RBFOX2: variants seen among roughly 807,000 people sequenced by gnomAD.
The protein encoded by RBFOX2 is RNA binding protein fox-1 homolog 2.
In RBFOX2, 10 loss-of-function variants were observed where a neutral mutation model predicts 49.1. The observed-to-expected ratio is 0.20, with a 90% CI of 0.13 to 0.35. The LOEUF is 0.35. Ranked by LOEUF, RBFOX2 falls within the 10% of genes least tolerant of loss-of-function variation. RBFOX2 has a pLI of 1.00. For missense variants in RBFOX2, 323 were observed against 486.9 expected (o/e 0.66, Z 3.17); for synonymous variants, 183 against 187.4 (o/e 0.98, Z 0.19).
At chr22:35,938,180 T>C (rs1363408257) in intron 1 of RBFOX2, among the ~76,000 whole-genome samples, 1 of 152,184 alleles carries the variant, frequency 6.6e-6, no homozygotes, top group Non-Finnish European at 1.5e-5. Flanking sequence ...AGAGGAAGCC[T>C]TACCTGTTCT....
chr22:35,748,716 A>T (rs1569220406), intron 9 of RBFOX2: 1 of 152,228 alleles, frequency 6.6e-6, no homozygotes, highest in Non-Finnish European at 1.5e-5. Flanking sequence ...CATTAAAAAA[A>T]TTTTAAAGTT....
At chr22:35,817,881 G>A (rs1953507355) in intron 1 of RBFOX2, among the ~76,000 whole-genome samples, 1 of 151,694 alleles carries the variant, frequency 6.6e-6, no homozygotes, top group Admixed American at 6.6e-5. Context: ...GCTGGTATAT[G>A]TAAATTTAAG....
At chr22:36,028,178 G>A (rs998108809) in intron 1 of RBFOX2, 62 bp downstream of exon 1, 3 of 1,393,188 alleles carry the variant, frequency 2.2e-6, no homozygotes, top group Admixed American at 5.6e-5. Flanking sequence ...AAGCCGGGGA[G>A]CCCGGTGTCG....
intron 8 of RBFOX2, 44 bp from the exon 10 acceptor site, chr22:35,760,064 C>T: frequency 6.2e-7 from 1 of 1,609,442 alleles, no homozygotes; most frequent in Non-Finnish European, 8.5e-7. Context: ...AACTTGCATT[C>T]AATAGAAGGT....
chr22:35,881,712 G>C (rs2045930016), intron 1 of RBFOX2, among the ~76,000 whole-genome samples: 1 of 151,916 alleles, frequency 6.6e-6, no homozygotes, highest in African/African-American at 2.4e-5. Flanking sequence ...TATAATCCCA[G>C]CACTTTGGGA....
rs561541306 is a variant in RBFOX2, at chr22:35,920,330, C to T, written c.-34+18517G>A. ...TTTTTCTCATGCTGTCATTCGGCAG[C>T]TCAGCCTCTATGTCAAAAAGCCAAC... is the stretch of plus-strand genomic sequence containing the variant. On this transcript the variant is annotated intron_variant, in intron 1 of 13. Transcript: ENST00000359369. Among the ~76,000 whole-genome samples, 158 of 152,306 alleles carry T rather than the reference C, an allele frequency of 1.0e-3. 2 individuals are homozygous for T. Among genetic ancestry groups the T allele is most frequent in the African/African-American group, 3.8e-3 (158 of 41,558 alleles).
chr22:35,766,944 G>C (rs968777127), intron 5 of RBFOX2, among the ~76,000 whole-genome samples: 1 of 152,040 alleles, frequency 6.6e-6, no homozygotes, highest in Admixed American at 6.6e-5. Flanking sequence ...AGTAAGGTAG[G>C]GAAAAAGAAA....
intron 2 of RBFOX2, among the ~76,000 whole-genome samples, chr22:35,808,626 TAG>T (rs1951207178): frequency 1.3e-5 from 2 of 152,152 alleles, no homozygotes; most frequent in African/African-American, 2.4e-5. Flanking sequence ...GGTAGGAGGA[TAG>T]AGTGACAGGA....
At chr22:35,829,805 C>A (rs992180765) in intron 1 of RBFOX2, among the ~76,000 whole-genome samples, 1 of 152,114 alleles carries the variant, frequency 6.6e-6, no homozygotes, top group Non-Finnish European at 1.5e-5. Context: ...TCATTGTCAC[C>A]TTCCACTTCT....
intron 1 of RBFOX2, among the ~76,000 whole-genome samples, chr22:35,817,683 C>T (rs1432471233): frequency 6.6e-6 from 1 of 151,880 alleles, no homozygotes; most frequent in Non-Finnish European, 1.5e-5. Flanking sequence ...CTTCTTTTAG[C>T]GTGGGTATAA....
intron 9 of RBFOX2, 57 bp from the exon 12 acceptor site, chr22:35,746,618 A>G: frequency 8.7e-7 from 1 of 1,149,406 alleles, no homozygotes; most frequent in Non-Finnish European, 1.2e-6. Flanking sequence ...GTGTACAGAA[A>G]AACACACACC....
chr22:35,913,850 G>C (rs2050107004), intron 1 of RBFOX2, among the ~76,000 whole-genome samples: 1 of 152,096 alleles, frequency 6.6e-6, no homozygotes. Flanking sequence ...TCTAAGAAAA[G>C]GGGAATGAGG....
chr22:35,769,777 T>G (rs1353082462), intron 4 of RBFOX2, among the ~76,000 whole-genome samples: 2 of 152,110 alleles, frequency 1.3e-5, no homozygotes, highest in East Asian at 3.8e-4. Context: ...ACAATGCGCG[T>G]TGCTTAATAA....
chr22:35,870,011 C>A (rs749868337), intron 1 of RBFOX2, among the ~76,000 whole-genome samples: 1 of 152,116 alleles, frequency 6.6e-6, no homozygotes, highest in Admixed American at 6.5e-5. Flanking sequence ...CTGATTTATA[C>A]CTCCCTCTCA....
At chr22:35,970,710 C>A (rs1230717039) in intron 1 of RBFOX2, among the ~76,000 whole-genome samples, 2 of 152,024 alleles carry the variant, frequency 1.3e-5, no homozygotes, top group East Asian at 1.9e-4. Flanking sequence ...TACGAGAGGA[C>A]AAAAGGGACA....
chr22:35,917,416 G>A (rs1027884480), intron 1 of RBFOX2, among the ~76,000 whole-genome samples: 1 of 152,204 alleles, frequency 6.6e-6, no homozygotes, highest in Non-Finnish European at 1.5e-5. Context: ...CTAAGAATGA[G>A]GGGAGGGGAC....
At chr22:35,974,713 A>C (rs922715960) in intron 1 of RBFOX2, among the ~76,000 whole-genome samples, 2 of 152,008 alleles carry the variant, frequency 1.3e-5, no homozygotes, top group African/African-American at 4.8e-5. Flanking sequence ...ACAACAACAA[A>C]AACAGGCTAG....
intron 1 of RBFOX2, among the ~76,000 whole-genome samples, chr22:35,871,366 T>C (rs2044334846): frequency 6.6e-6 from 1 of 152,176 alleles, no homozygotes; most frequent in Admixed American, 6.5e-5. Context: ...AAAGGCATTC[T>C]GAAAAACAGT....
At chr22:35,999,783 TAGCAGACAGA>T (rs2058335694) in intron 1 of RBFOX2, 1 of 152,022 alleles carries the variant, frequency 6.6e-6, no homozygotes, top group Non-Finnish European at 1.5e-5. Context: ...TGTCCATGCT[TAGCAGACAGA>T]GGCAGACAGG....
Sources: allele counts gnomAD v4.1 joint callset (sites outside exome capture counted in the v4.1 genomes callset), GRCh38; gene constraint gnomAD v4.1.1; transcripts MANE v1.5; gene names NCBI Gene and HGNC (gene_info 2026-07-23, HGNC 2026-07-21).